FOXJ3: variants seen among roughly 807,000 people sequenced by gnomAD.
FOXJ3 encodes the protein forkhead box protein J3.
A neutral mutation model predicts 76.1 loss-of-function variants in FOXJ3; 22 were observed. That is an observed-to-expected ratio of 0.29 (90% CI 0.21 to 0.41). FOXJ3 has a LOEUF of 0.41. FOXJ3 is among the 10% of genes least tolerant of loss of function. FOXJ3 has a pLI of 1.00. For synonymous variants in FOXJ3, 269 were observed against 261.2 expected (o/e 1.03, Z -0.29); for missense variants, 613 against 762.1 (o/e 0.80, Z 2.30).
chr1:42,235,070 C>T (rs1045140999), intron 4 of FOXJ3, among the ~76,000 whole-genome samples: 6 of 152,200 alleles, frequency 3.9e-5, no homozygotes, highest in South Asian at 2.1e-4. Context: ...GCTTCCTGGC[C>T]GCTTTGTTTA....
intron 4 of FOXJ3, among the ~76,000 whole-genome samples, chr1:42,261,753 C>G (rs1651056286): frequency 6.6e-6 from 1 of 152,188 alleles, no homozygotes; most frequent in African/African-American, 2.4e-5. Context: ...TAAAGTCCGT[C>G]CCATACCCAA....
chr1:42,241,633 G>A (rs1286460025), intron 4 of FOXJ3, among the ~76,000 whole-genome samples: 1 of 152,122 alleles, frequency 6.6e-6, no homozygotes, highest in Non-Finnish European at 1.5e-5. Context: ...TGAGGTCTGG[G>A]GAATGGCCCT....
chr1:42,219,172 T>C (rs1647130160), intron 5 of FOXJ3, among the ~76,000 whole-genome samples: 1 of 152,196 alleles, frequency 6.6e-6, no homozygotes, highest in Admixed American at 6.5e-5. Context: ...AACCAATTCA[T>C]GTTTTAAATT....
At chr1:42,199,416 A>G (rs1449839487) in intron 6 of FOXJ3, among the ~76,000 whole-genome samples, 186 bp from the exon 7 acceptor site, 2 of 152,156 alleles carry the variant, frequency 1.3e-5, no homozygotes, top group Non-Finnish European at 2.9e-5. Flanking sequence ...TTTTCTCAAT[A>G]CTCAAACTAA....
At chr1:42,247,853 A>C (rs775911336) in intron 4 of FOXJ3, among the ~76,000 whole-genome samples, 19 of 152,236 alleles carry the variant, frequency 1.2e-4, no homozygotes, top group Non-Finnish European at 2.2e-4. Flanking sequence ...AAACAATCTA[A>C]ATGTTCTTCA....
At chr1:42,297,134 C>T (rs1324023498) in intron 2 of FOXJ3, among the ~76,000 whole-genome samples, 2 of 152,082 alleles carry the variant, frequency 1.3e-5, no homozygotes, top group Non-Finnish European at 1.5e-5. Context: ...TATAGAAATG[C>T]TACTGATCAT....
intron 5 of FOXJ3, among the ~76,000 whole-genome samples, chr1:42,216,426 G>C (rs932713996): frequency 2.0e-5 from 3 of 151,646 alleles, no homozygotes; most frequent in Non-Finnish European, 4.4e-5. Context: ...GCTGAGGCAG[G>C]AGAATGGCGT....
chr1:42,299,223 C>A (rs1653975089), intron 2 of FOXJ3, among the ~76,000 whole-genome samples: 1 of 152,164 alleles, frequency 6.6e-6, no homozygotes, highest in African/African-American at 2.4e-5. Flanking sequence ...TGATGTTCTC[C>A]ACTATTATTG....
rs1646976736 is a variant in FOXJ3 at position 42,212,103 on chromosome 1, A to C, written c.529-6240T>G. 2.6e-5 allele frequency among the ~76,000 whole-genome samples: 4 copies of C among 152,056 alleles called. No homozygotes were observed. The South Asian group carries it at 8.3e-4, about 32-fold the overall frequency. ...ACCCCATCTCTACTAAAAATACAAA[A>C]TTTGGCTGGGCATGGTGGCACGTGC... On this transcript the variant is annotated intron_variant, in intron 5 of 12. Coordinates refer to ENST00000361346, the MANE Select transcript of FOXJ3 (RefSeq NM_014947.5).
chr1:42,299,316 T>C (rs1022311305), intron 2 of FOXJ3, among the ~76,000 whole-genome samples: 5 of 152,124 alleles, frequency 3.3e-5, no homozygotes, highest in African/African-American at 2.4e-5. Context: ...ATATTTAGGA[T>C]AGTTAAATCT....
intron 3 of FOXJ3, among the ~76,000 whole-genome samples, chr1:42,274,544 T>A (rs1995347): frequency 0.7 from 107,141 of 152,068 alleles, 38,366 homozygotes; most frequent in Admixed American, 0.8. Flanking sequence ...GCTGAGAAAC[T>A]CTACAAAGTT....
chr1:42,244,535 A>G (rs1158535637), intron 4 of FOXJ3, among the ~76,000 whole-genome samples: 1 of 152,152 alleles, frequency 6.6e-6, no homozygotes, highest in Non-Finnish European at 1.5e-5. Context: ...TTAAGAAAAC[A>G]GAATAAAGGT....
chr1:42,296,669 C>T (rs1653810318), intron 2 of FOXJ3, among the ~76,000 whole-genome samples: 1 of 152,186 alleles, frequency 6.6e-6, no homozygotes, highest in African/African-American at 2.4e-5. Context: ...GATCTCTATG[C>T]ATATTTTTGT....
intron 2 of FOXJ3, among the ~76,000 whole-genome samples, chr1:42,294,640 T>C (rs1653662028): frequency 6.6e-6 from 1 of 151,724 alleles, no homozygotes; most frequent in South Asian, 2.1e-4. Flanking sequence ...CGGGCACCTG[T>C]AATCCCAGTT....
intron 3 of FOXJ3, among the ~76,000 whole-genome samples, chr1:42,267,399 G>A (rs1484559605): frequency 6.6e-6 from 1 of 151,970 alleles, no homozygotes; most frequent in South Asian, 2.1e-4. Flanking sequence ...AAAGTTTGTG[G>A]TATACTGAAG....
intron 5 of FOXJ3, among the ~76,000 whole-genome samples, chr1:42,221,952 A>T (rs1442747117): frequency 3.5e-4 from 2 of 5,660 alleles, no homozygotes; most frequent in Non-Finnish European, 6.1e-4. Flanking sequence ...GTCTCTATTA[A>T]AAAAAAAAAA....
chr1:42,250,999 A>T (rs1229513924), intron 4 of FOXJ3, among the ~76,000 whole-genome samples: 5 of 152,062 alleles, frequency 3.3e-5, no homozygotes, highest in Non-Finnish European at 7.4e-5. Flanking sequence ...AAAGAAAAAG[A>T]GAAAAGATGG....
At position 42,208,255 on chromosome 1, in the gene FOXJ3, G is replaced by T. The variant is rs916613220; in HGVS notation, c.529-2392C>A. 4.6e-5 allele frequency among the ~76,000 whole-genome samples: 7 copies of T among 152,146 alleles called. No individual in the cohort carries two copies. In the East Asian group the frequency reaches 1.3e-3, roughly 29 times the overall value. ...GAATATATCTGCTACTGATGTCAAG[G>T]ATCTGCTGATACAAAGAAATACTCA... On this transcript the variant is annotated intron_variant, in intron 5 of 12. Coordinates refer to ENST00000361346, the MANE Select transcript of FOXJ3 (RefSeq NM_014947.5).
rs968660270 is a variant in FOXJ3 at position 42,335,168 on chromosome 1, G to C, written c.-127C>G. 1.3e-5 allele frequency: 2 copies of C among 152,126 alleles called. No homozygotes were observed. Among genetic ancestry groups the C allele is most frequent in the African/African-American group, 4.8e-5 (2 of 41,430 alleles). 9.4% of individuals were successfully genotyped at this position (152,126 alleles called of 1,614,324 possible). On this transcript the variant is annotated 5_prime_UTR_variant, in exon 1 of 13. Coordinates refer to ENST00000361346, the MANE Select transcript of FOXJ3 (RefSeq NM_014947.5). Reference sequence around the variant, plus strand: ...GCCTACTGCGAGCGGTCGAGGCCCCGAGCAGCCCCGAGAGCGGCGGCGGCA... The same window carrying C: ...GCCTACTGCGAGCGGTCGAGGCCCCCAGCAGCCCCGAGAGCGGCGGCGGCA...
Sources: allele counts gnomAD v4.1 joint callset (sites outside exome capture counted in the v4.1 genomes callset), GRCh38; gene constraint gnomAD v4.1.1; transcripts MANE v1.5; gene names NCBI Gene and HGNC (gene_info 2026-07-23, HGNC 2026-07-21).